ANKRD18B: variants seen among roughly 807,000 people sequenced by gnomAD.
ANKRD18B encodes the protein ankyrin repeat domain-containing protein 18B.
A neutral mutation model predicts 111.8 loss-of-function variants in ANKRD18B; 75 were observed. The ratio of observed to expected loss-of-function variants is 0.67; its 90% CI spans 0.56 to 0.81. The LOEUF (loss-of-function observed/expected upper bound fraction) is 0.81. ANKRD18B is among the 40% of genes least tolerant of loss of function. The probability of loss-of-function intolerance (pLI) is 0.00; values close to 1 mark genes in which losing one functional copy is unlikely to be tolerated. For synonymous variants in ANKRD18B, 356 were observed against 417.3 expected (o/e 0.85, Z 1.79); for missense variants, 1,038 against 1,225.5 (o/e 0.85, Z 2.28).
chr9:33,536,623 G>C (rs1439892632), intron 5 of ANKRD18B, among the ~76,000 whole-genome samples: 1 of 152,282 alleles, frequency 6.6e-6, no homozygotes, highest in East Asian at 1.9e-4. Context: ...ATGCAGGACA[G>C]TTTCCAGGCT....
At chr9:33,559,937 A>G (rs1828581376) in intron 14 of ANKRD18B, among the ~76,000 whole-genome samples, 1 of 152,228 alleles carries the variant, frequency 6.6e-6, no homozygotes, top group African/African-American at 2.4e-5. Flanking sequence ...CAAACCCCAC[A>G]TCATTTAGCT....
intron 10 of ANKRD18B, among the ~76,000 whole-genome samples, chr9:33,544,365 T>C (rs911328662): frequency 1.3e-5 from 2 of 152,228 alleles, no homozygotes; most frequent in African/African-American, 4.8e-5. Flanking sequence ...TCTTTGTTCA[T>C]ACTTAATTTA....
At chr9:33,537,317 A>G (rs1157383317) in intron 6 of ANKRD18B, among the ~76,000 whole-genome samples, 7 of 152,160 alleles carry the variant, frequency 4.6e-5, no homozygotes. Context: ...AAAAAGAGTA[A>G]GATTACATAT....
chr9:33,566,606 C>T (rs1256700522), intron 15 of ANKRD18B, 106 bp downstream of exon 15: 36 of 1,345,772 alleles, frequency 2.7e-5, no homozygotes, highest in Non-Finnish European at 3.3e-5. Context: ...GCCTCTCTTA[C>T]GGCAATTTCC....
chr9:33,566,113 A>T (rs1250808146), intron 14 of ANKRD18B, 106 bp from the exon 15 acceptor site: 2 of 1,006,938 alleles, frequency 2.0e-6, no homozygotes, highest in Non-Finnish European at 2.9e-6. Context: ...TACATTATAG[A>T]TAACATTTTA....
chr9:33,552,749 AAG>A (rs1202592359), intron 12 of ANKRD18B, among the ~76,000 whole-genome samples: 3 of 150,878 alleles, frequency 2.0e-5, no homozygotes, highest in African/African-American at 7.3e-5. Flanking sequence ...AGAGATAAAA[AAG>A]AGTGAAAATT....
intron 13 of ANKRD18B, among the ~76,000 whole-genome samples, chr9:33,557,000 T>C (rs1828536833): frequency 6.6e-6 from 1 of 152,134 alleles, no homozygotes; most frequent in African/African-American, 2.4e-5. Context: ...ATGGAATGTG[T>C]CTTTGAAGCC....
chr9:33,525,194 ATCATTTTT>A (rs1828009446), intron 1 of ANKRD18B, among the ~76,000 whole-genome samples: 1 of 152,228 alleles, frequency 6.6e-6, no homozygotes, highest in Non-Finnish European at 1.5e-5. Flanking sequence ...TCAAGGTTTT[ATCATTTTT>A]GCATGACACT....
At chr9:33,551,736 A>T (rs969693141) in intron 12 of ANKRD18B, among the ~76,000 whole-genome samples, 2 of 152,060 alleles carry the variant, frequency 1.3e-5, no homozygotes, top group African/African-American at 4.8e-5. Flanking sequence ...TATTGTATGG[A>T]CATATGTTTT....
chr9:33,536,794 A>G (rs1454666806), intron 5 of ANKRD18B, 84 bp from the exon 6 acceptor site: 1 of 901,256 alleles, frequency 1.1e-6, no homozygotes. Flanking sequence ...TATTGTCTGA[A>G]ATGCTTTAAG....
chr9:33,547,022 A>G (rs542630195), intron 10 of ANKRD18B, among the ~76,000 whole-genome samples: 9 of 152,254 alleles, frequency 5.9e-5, no homozygotes, highest in African/African-American at 2.2e-4. Flanking sequence ...CCAAATGAAA[A>G]AATAAGGAGA....
intron 10 of ANKRD18B, among the ~76,000 whole-genome samples, chr9:33,543,596 A>G (rs1049618376): frequency 2.6e-5 from 4 of 152,176 alleles, no homozygotes; most frequent in Non-Finnish European, 5.9e-5. Context: ...TTGAACGGTG[A>G]TGGCCACTGA....
rs1380365638 is a variant in ANKRD18B at position 33,558,149 on chromosome 9, C to T, written c.2422C>T (p.Leu808=). ...CCATGGAGACTTAAATACAGACCAA[C>T]TGAAAATGGATATTCTGTTTAAGAA... ...SCHGDLNTDQ[L]KMDILFKKLK... is the part of the protein sequence containing the mutation. The change falls in exon 14 of 19, where the codon CTG becomes TTG. Residue 808 remains leucine (L), a synonymous_variant. Coordinates refer to ENST00000684830, the MANE Select transcript of ANKRD18B (RefSeq NM_001393611.1). 2 of 1,611,082 alleles carry T rather than the reference C, an allele frequency of 1.2e-6. No homozygotes were observed. Among genetic ancestry groups the T allele is most frequent in the Admixed American group, 3.4e-5 (2 of 59,598 alleles).
rs1477223488 is a variant in ANKRD18B, at chr9:33,533,560, G to A, written c.602+15G>A. ...AATTTCAAAAGGTGCAATAGTTTTT[G>A]TTTTCTGTTTTCTTTTTTCCTAAAA... On this transcript the variant is annotated intron_variant, in intron 4 of 18. Transcript: ENST00000684830. 1 of 1,525,034 alleles carries A rather than the reference G, an allele frequency of 6.6e-7. No individual in the cohort carries two copies. Among genetic ancestry groups the A allele is most frequent in the Non-Finnish European group, 8.8e-7 (1 of 1,139,024 alleles). The allele number at this position is 1,525,034 out of a possible 1,614,324, so 94.5% of individuals were successfully genotyped here.
At chr9:33,528,292 C>A (rs1165147163) in intron 1 of ANKRD18B, among the ~76,000 whole-genome samples, 1 of 152,230 alleles carries the variant, frequency 6.6e-6, no homozygotes, top group East Asian at 1.9e-4. Flanking sequence ...GAGAGCAAGA[C>A]CCTGTCTCAA....
intron 14 of ANKRD18B, among the ~76,000 whole-genome samples, chr9:33,559,725 G>T (rs1185025802): frequency 6.6e-6 from 1 of 151,916 alleles, no homozygotes; most frequent in Non-Finnish European, 1.5e-5. Context: ...TTGAACCCTG[G>T]CCAGTGATCT....
At chr9:33,573,538 C>T (rs368286140), downstream of ANKRD18B, among the ~76,000 whole-genome samples, 15 of 145,154 alleles carry the variant, frequency 1.0e-4, 3 homozygotes, top group East Asian at 3.1e-3. Context: ...TGCCAGGCCA[C>T]CTCATTGTCT....
At chr9:33,559,765 C>G (rs1022630286) in intron 14 of ANKRD18B, among the ~76,000 whole-genome samples, 2 of 152,104 alleles carry the variant, frequency 1.3e-5, no homozygotes, top group African/African-American at 2.4e-5. Flanking sequence ...CTCCAGATCA[C>G]TAGTACCAAA....
At chr9:33,554,986 G>A (rs1015165248) in intron 12 of ANKRD18B, among the ~76,000 whole-genome samples, 2 of 136,196 alleles carry the variant, frequency 1.5e-5, no homozygotes, top group African/African-American at 5.1e-5. Flanking sequence ...AAAGAGCCTT[G>A]CACTGGTTTA....
Sources: gnomAD v4.1 joint callset for allele counts (sites outside exome capture counted in the v4.1 genomes callset) on GRCh38, gnomAD v4.1.1 for gene constraint, MANE v1.5 for transcripts, NCBI Gene and HGNC (gene_info 2026-07-23, HGNC 2026-07-21) for gene names.